Variants in MGAT4A observed in about 807,000 individuals in gnomAD.
MGAT4A encodes the protein N-acetylglucosaminyltransferase IVa.
Under a neutral mutation model 74.1 loss-of-function variants are expected in MGAT4A, and 33 were observed. The observed-to-expected ratio is 0.45, with a 90% CI of 0.34 to 0.60. The LOEUF is 0.60. MGAT4A is among the 20% of genes least tolerant of loss of function. The pLI is 0.02. For missense variants in MGAT4A, 479 were observed against 628.3 expected (o/e 0.76, Z 2.54); for synonymous variants, 198 against 210.4 (o/e 0.94, Z 0.51).
intron 8 of MGAT4A, among the ~76,000 whole-genome samples, chr2:98,646,093 A>C (rs1258310042): frequency 6.6e-6 from 1 of 152,194 alleles, no homozygotes; most frequent in Non-Finnish European, 1.5e-5. Context: ...AAAGAAAATA[A>C]ATACACGTAA....
At chr2:98,668,270 C>T (rs939552709) in intron 4 of MGAT4A, among the ~76,000 whole-genome samples, 8 of 152,152 alleles carry the variant, frequency 5.3e-5, no homozygotes, top group African/African-American at 1.9e-4. Context: ...TGGGCTGGGC[C>T]CAGGGTCCCT....
At position 98,667,940 on chromosome 2, in the gene MGAT4A, G is replaced by A. The variant is rs189969138; in HGVS notation, c.404-4761C>T. On this transcript the variant is annotated intron_variant, in intron 4 of 15. Coordinates refer to ENST00000393487, the MANE Select transcript of MGAT4A (RefSeq NM_012214.3). ...TCACCATGTTGGTCAGGCTGGTCTCGAACTCCTGACCTTGTGATCCACCCG... is the reference window on the plus strand; with the variant it reads ...TCACCATGTTGGTCAGGCTGGTCTCAAACTCCTGACCTTGTGATCCACCCG... 3.4e-3 allele frequency among the ~76,000 whole-genome samples: 513 copies of A among 152,152 alleles called. 5 individuals are homozygous for A. In the East Asian group the frequency reaches 0.053, roughly 16 times the overall value.
chr2:98,621,553 C>T lies in MGAT4A; in HGVS notation c.*4013G>A. On this transcript the variant is annotated 3_prime_UTR_variant, in exon 16 of 16. Coordinates refer to ENST00000393487, the MANE Select transcript of MGAT4A (RefSeq NM_012214.3). ...TGATTAGCCACCCCCAGACAGTCTT[C>T]CTTTTGCTACATAACATGATATAAT... 2 of 1,550,446 alleles carry T rather than the reference C, an allele frequency of 1.3e-6. No homozygotes were observed. Among genetic ancestry groups the T allele is most frequent in the Middle Eastern group, 1.7e-4 (1 of 5,986 alleles).
In MGAT4A at chr2:98,620,101, G is replaced by A. The variant is rs1701025353; in HGVS notation, c.*5465C>T. ...GTTAGTGCCCAAACCGGGTGAAGGA[G>A]TGTTTCAGGTAAGAAGAAGAGTTTA... On this transcript the variant is annotated 3_prime_UTR_variant, in exon 16 of 16. Transcript: ENST00000393487. 1 of 152,188 alleles carries A rather than the reference G, an allele frequency of 6.6e-6. No individual in the cohort carries two copies. Among genetic ancestry groups the A allele is most frequent in the Non-Finnish European group, 1.5e-5 (1 of 68,038 alleles). The allele number at this position is 152,188 out of a possible 1,614,324, so 9.4% of individuals were successfully genotyped here. A position where few individuals can be genotyped will look rare whatever the true frequency, so the allele number is the denominator to read the frequency against.
Position 98,726,469 on chromosome 2 carries a change from G to T in MGAT4A, c.-137C>A. 1 of 629,406 alleles carries T rather than the reference G, an allele frequency of 1.6e-6. No individual in the cohort carries two copies. The highest frequency in any genetic ancestry group is 2.7e-6 in the Non-Finnish European group (1 of 369,080). The allele number at this position is 629,406 out of a possible 1,614,324, so 39.0% of individuals were successfully genotyped here. ...AAATCAATAAGAGAGGTTCATTTCA[G>T]ATGATCTGCAGGAGGAGCCTAGCAG... On this transcript the variant is annotated 5_prime_UTR_variant, in exon 2 of 16. In the 5' UTR this introduces an upstream ATG that the reference lacks. Coordinates refer to ENST00000393487, the MANE Select transcript of MGAT4A (RefSeq NM_012214.3).
intron 2 of MGAT4A, among the ~76,000 whole-genome samples, chr2:98,683,086 TA>T (rs1052884537): frequency 2.6e-4 from 35 of 136,892 alleles, no homozygotes; most frequent in East Asian, 6.3e-4. Flanking sequence ...AGACTCCGTC[TA>T]AAAAAAAAAA....
chr2:98,635,287 CTCTAAAATAAAACAAAAGCATTAATT>C lies in MGAT4A; in HGVS notation c.1402-25_1402del. 1 of 1,596,882 alleles carries C rather than the reference CTCTAAAATAAAACAAAAGCATTAATT, an allele frequency of 6.3e-7. No homozygotes were observed. The highest frequency in any genetic ancestry group is 8.5e-7 in the Non-Finnish European group (1 of 1,171,556). The stretch of plus-strand genomic sequence containing the variant: ...TTCTTTGCTTATTTCCAAACCTTCA[CTCTAAAATAAAACAAAAGCATTAATT>C]TCAAAAATAATTCTTTCTATTTAAC... On this transcript the variant is annotated splice_acceptor_variant and splice_polypyrimidine_tract_variant and coding_sequence_variant and intron_variant, in exon 14 of 16. Transcript: ENST00000393487. LOFTEE classifies it high-confidence loss of function.
intron 2 of MGAT4A, among the ~76,000 whole-genome samples, chr2:98,721,454 C>T (rs1434974458): frequency 6.6e-6 from 1 of 152,062 alleles, no homozygotes; most frequent in African/African-American, 2.4e-5. Context: ...TAATTCATTG[C>T]TGGGTCTATA....
chr2:98,623,459 C>A lies in MGAT4A; in HGVS notation c.*2107G>T. 1 of 985,400 alleles carries A rather than the reference C, an allele frequency of 1.0e-6. No homozygotes were observed. The highest frequency in any genetic ancestry group is 1.7e-5 in the African/African-American group (1 of 57,352). 61.0% of individuals were successfully genotyped at this position (985,400 alleles called of 1,614,324 possible). On this transcript the variant is annotated 3_prime_UTR_variant, in exon 16 of 16. Coordinates refer to ENST00000393487, the MANE Select transcript of MGAT4A (RefSeq NM_012214.3). ...CCTGCAGAGATTTTTACTTCTGGTA[C>A]TCAGTTATCTTTGCAGTAATTTAGT... is the stretch of plus-strand genomic sequence containing the variant.
chr2:98,624,264 G>T lies in MGAT4A; in HGVS notation c.*1302C>A. 1 of 775,276 alleles carries T rather than the reference G, an allele frequency of 1.3e-6. No homozygotes were observed. The highest frequency in any genetic ancestry group is 1.6e-6 in the Non-Finnish European group (1 of 638,476). 48.0% of individuals were successfully genotyped at this position (775,276 alleles called of 1,614,324 possible). ...CCTGACCTCGTGATCCGCCCGCCTC[G>T]GCCTCCCAAAGTGCTGGGATTACAG... On this transcript the variant is annotated 3_prime_UTR_variant, in exon 16 of 16. Coordinates refer to ENST00000393487, the MANE Select transcript of MGAT4A (RefSeq NM_012214.3).
At chr2:98,644,114 A>C (rs546194672) in intron 9 of MGAT4A, 61 bp from the exon 10 acceptor site, 2 of 1,452,746 alleles carry the variant, frequency 1.4e-6, no homozygotes, top group East Asian at 4.9e-5. Flanking sequence ...AATGGCTTAC[A>C]TTCATGAAAT....
chr2:98,722,687 G>A (rs773542821), intron 2 of MGAT4A, among the ~76,000 whole-genome samples: 2 of 152,152 alleles, frequency 1.3e-5, no homozygotes, highest in Admixed American at 6.5e-5. Context: ...TGGATGAATT[G>A]TATAGTATGT....
chr2:98,627,609 C>T (rs1192888727), intron 14 of MGAT4A, among the ~76,000 whole-genome samples: 1 of 152,188 alleles, frequency 6.6e-6, no homozygotes, highest in Non-Finnish European at 1.5e-5. Context: ...CCTCTGACCT[C>T]AAGTGATCCA....
chr2:98,692,561 C>A (rs1427666879), intron 2 of MGAT4A, among the ~76,000 whole-genome samples: 2 of 152,188 alleles, frequency 1.3e-5, no homozygotes, highest in Non-Finnish European at 2.9e-5. Flanking sequence ...TCCAGAGCAA[C>A]TTCTACTCCT....
At chr2:98,715,255 G>A (rs770865348) in intron 2 of MGAT4A, among the ~76,000 whole-genome samples, 9 of 150,242 alleles carry the variant, frequency 6.0e-5, no homozygotes, top group Non-Finnish European at 3.0e-5. Context: ...GAGGCAGAGG[G>A]TGCAGTGAGC....
rs1559179731 is a variant in MGAT4A at position 98,731,122 on chromosome 2, CT to C, written c.-311del. 19 of 139,212 alleles carry C rather than the reference CT, an allele frequency of 1.4e-4. No individual in the cohort carries two copies. Among genetic ancestry groups the C allele is most frequent in the African/African-American group, 4.8e-4 (18 of 37,802 alleles). The allele number at this position is 139,212 out of a possible 1,614,324, so 8.6% of individuals were successfully genotyped here. A position where few individuals can be genotyped will look rare whatever the true frequency, so the allele number is the denominator to read the frequency against. On this transcript the variant is annotated 5_prime_UTR_variant, in exon 1 of 16. Coordinates refer to ENST00000393487, the MANE Select transcript of MGAT4A (RefSeq NM_012214.3). The surrounding 1 kb of genome is among the most constrained non-coding windows in gnomAD (Gnocchi z 4.8). ...GCCGCCGCCGCCGCTGCCGCCGCCG[CT>C]GCGGGCCGCCCCGCCCGCCCCGCCG...
intron 3 of MGAT4A, among the ~76,000 whole-genome samples, chr2:98,677,953 G>A (rs1052169312): frequency 2.0e-5 from 3 of 151,200 alleles, no homozygotes; most frequent in Non-Finnish European, 4.4e-5. Context: ...TTTTTCAGCC[G>A]GGTGCAGTGG....
Position 98,640,155 on chromosome 2 carries a change from T to A in MGAT4A, c.1094A>T (p.His365Leu). The A allele has an allele frequency of 6.2e-7, 1 of 1,613,994 alleles. No individual in the cohort carries two copies. Among genetic ancestry groups the A allele is most frequent in the Non-Finnish European group, 8.5e-7 (1 of 1,179,982 alleles). ...RPSLFQHVGL[H>L]SSLSGKIQKL... ...TTGGATTTTTCCTGATAGTGATGAG[T>A]GCAGACCAACATGTTGGAAAAGGGA... Residue 365 changes from histidine (H) to leucine (L), a missense_variant, in exon 11 of 16, where the codon CAC (histidine) becomes CTC (leucine). His to Leu is a moderately conservative substitution (Grantham distance 99). Transcript: ENST00000393487.
intron 5 of MGAT4A, among the ~76,000 whole-genome samples, chr2:98,659,208 T>C (rs1429860511): frequency 6.6e-6 from 1 of 152,154 alleles, no homozygotes; most frequent in Non-Finnish European, 1.5e-5. Context: ...ACGGAGTCTG[T>C]CTCTGATGCT....
Sources: gnomAD v4.1 joint callset for allele counts (sites outside exome capture counted in the v4.1 genomes callset) on GRCh38, gnomAD v4.1.1 for gene constraint, Gnocchi (gnomAD v3.1) non-coding constraint, MANE v1.5 for transcripts, NCBI Gene and HGNC (gene_info 2026-07-23, HGNC 2026-07-21) for gene names.